Variants in NRXN1 observed in about 807,000 individuals in gnomAD.
The protein encoded by NRXN1 is neurexin 1, also known as neurexin-1.
NRXN1 carries 39 observed loss-of-function variants against 150.9 expected under a neutral mutation model. The ratio of observed to expected loss-of-function variants is 0.26; its 90% CI spans 0.20 to 0.34. The LOEUF is 0.34. Among genes scored for constraint, NRXN1 ranks in the 10% least tolerant of loss-of-function variants. The probability of loss-of-function intolerance (pLI) is 1.00; values close to 1 mark genes in which losing one functional copy is unlikely to be tolerated. For missense variants in NRXN1, 1,815 were observed against 1,949.9 expected (o/e 0.93, Z 1.30); for synonymous variants, 924 against 757.0 (o/e 1.22, Z -3.62).
At chr2:50,132,120 T>G (rs1705598906) in intron 18 of NRXN1, among the ~76,000 whole-genome samples, 1 of 152,154 alleles carries the variant, frequency 6.6e-6, no homozygotes, top group South Asian at 2.1e-4. Context: ...TATTTTGCTC[T>G]GGCAAAGTGT....
intron 18 of NRXN1, among the ~76,000 whole-genome samples, chr2:50,099,621 T>C (rs1396923462): frequency 6.6e-6 from 1 of 152,212 alleles, no homozygotes; most frequent in Non-Finnish European, 1.5e-5. Context: ...TATTCATCAC[T>C]TTGAAAAACA....
At chr2:50,941,927 G>A (rs1689513857) in intron 2 of NRXN1, among the ~76,000 whole-genome samples, 1 of 152,166 alleles carries the variant, frequency 6.6e-6, no homozygotes, top group Admixed American at 6.5e-5. Flanking sequence ...AGGACATTTA[G>A]TATATCTTTG....
At chr2:50,221,907 T>C (rs547630034) in intron 18 of NRXN1, among the ~76,000 whole-genome samples, 1 of 151,982 alleles carries the variant, frequency 6.6e-6, no homozygotes, top group Non-Finnish European at 1.5e-5. Context: ...GCAGAATACA[T>C]CTGTTGCTAC....
intron 18 of NRXN1, among the ~76,000 whole-genome samples, chr2:50,167,209 C>T (rs1262010160): frequency 6.6e-6 from 1 of 152,018 alleles, no homozygotes; most frequent in Non-Finnish European, 1.5e-5. Context: ...AAATCTGCTC[C>T]CCTGCCTCAC....
Position 50,862,635 on chromosome 2 carries a change from T to TA in NRXN1, c.832+59233dup, listed in dbSNP as rs940528228. Among the ~76,000 whole-genome samples, 15 of 152,072 alleles carry TA rather than the reference T, an allele frequency of 9.9e-5. 1 individual carries two copies. Among genetic ancestry groups the TA allele is most frequent in the African/African-American group, 3.1e-4 (13 of 41,434 alleles). On this transcript the variant is annotated intron_variant, in intron 5 of 22. Transcript: ENST00000401669. Reference sequence around the variant, plus strand: ...CTTTGGCCCTCAGGTTCTTCCTCTGTAAAAAAGATAAATGATCACAGTAGT... The same window carrying TA: ...CTTTGGCCCTCAGGTTCTTCCTCTGTAAAAAAAGATAAATGATCACAGTAGT...
At chr2:50,158,468 CA>C (rs2059161187) in intron 18 of NRXN1, among the ~76,000 whole-genome samples, 1 of 151,814 alleles carries the variant, frequency 6.6e-6, no homozygotes, top group Admixed American at 6.6e-5. Flanking sequence ...ATGTCTAACA[CA>C]ACTGGAAAAG....
intron 2 of NRXN1, among the ~76,000 whole-genome samples, chr2:50,989,649 T>C (rs1331041483): frequency 6.6e-6 from 1 of 152,044 alleles, no homozygotes; most frequent in Non-Finnish European, 1.5e-5. Flanking sequence ...TTCTTACTGT[T>C]GAATACATAA....
At chr2:50,812,659 A>T (rs2105772858) in intron 5 of NRXN1, among the ~76,000 whole-genome samples, 1 of 151,372 alleles carries the variant, frequency 6.6e-6, no homozygotes, top group African/African-American at 2.4e-5. Flanking sequence ...CTATATATAA[A>T]ATATATATAC....
intron 16 of NRXN1, among the ~76,000 whole-genome samples, chr2:50,470,858 C>T (rs1424743835): frequency 2.6e-5 from 4 of 151,640 alleles, no homozygotes; most frequent in Admixed American, 1.3e-4. Context: ...AAAAGTACTC[C>T]TACAGATCTT....
chr2:51,008,557 T>A (rs1056047816), intron 2 of NRXN1, among the ~76,000 whole-genome samples: 5 of 151,866 alleles, frequency 3.3e-5, no homozygotes, highest in Non-Finnish European at 7.4e-5. Flanking sequence ...TCATTACACA[T>A]CAATTCCTTT....
At chr2:50,412,352 A>T (rs144105738) in intron 17 of NRXN1, among the ~76,000 whole-genome samples, 2,324 of 151,700 alleles carry the variant, frequency 0.015, 50 homozygotes, top group African/African-American at 0.053. Flanking sequence ...ATAATAAATA[A>T]TAAAAATAAT....
intron 17 of NRXN1, among the ~76,000 whole-genome samples, chr2:50,287,291 ATAG>A (rs2072316992): frequency 6.6e-6 from 1 of 152,092 alleles, no homozygotes; most frequent in African/African-American, 2.4e-5. Context: ...TCTCAAAATA[ATAG>A]GACAAAAATG....
chr2:50,574,296 T>C (rs1305606740), intron 8 of NRXN1, among the ~76,000 whole-genome samples: 3 of 152,156 alleles, frequency 2.0e-5, no homozygotes, highest in East Asian at 1.9e-4. Flanking sequence ...ATCCAAATGA[T>C]TTAAGAGGAT....
At chr2:50,059,503 C>A (rs1218240381) in intron 19 of NRXN1, among the ~76,000 whole-genome samples, 1 of 152,126 alleles carries the variant, frequency 6.6e-6, no homozygotes, top group Non-Finnish European at 1.5e-5. Flanking sequence ...AAACCCTTGT[C>A]CTGAGGAGAA....
chr2:50,027,541 C>G (rs1688548744), intron 21 of NRXN1, among the ~76,000 whole-genome samples: 1 of 152,114 alleles, frequency 6.6e-6, no homozygotes, highest in Non-Finnish European at 1.5e-5. Flanking sequence ...CTCCGTGGCT[C>G]AAGCAATCCT....
intron 18 of NRXN1, among the ~76,000 whole-genome samples, chr2:50,159,977 A>G (rs1291149420): frequency 6.6e-6 from 1 of 152,194 alleles, no homozygotes; most frequent in South Asian, 2.1e-4. Context: ...ATGTTTACAA[A>G]GATAAACAAC....
chr2:50,430,345 C>A (rs77228965), intron 17 of NRXN1, among the ~76,000 whole-genome samples: 3,387 of 152,136 alleles, frequency 0.022, 121 homozygotes, highest in African/African-American at 0.078. Flanking sequence ...AAAAAAACAG[C>A]AAGCCAATTT....
At chr2:50,794,103 T>C (rs551777813) in intron 5 of NRXN1, among the ~76,000 whole-genome samples, 1 of 152,012 alleles carries the variant, frequency 6.6e-6, no homozygotes, top group African/African-American at 2.4e-5. Flanking sequence ...AGAATGCCAA[T>C]AGTTCTGAGG....
chr2:50,926,330 C>T (rs1686881324), intron 2 of NRXN1, among the ~76,000 whole-genome samples: 1 of 151,856 alleles, frequency 6.6e-6, no homozygotes. Context: ...GGTTCTATTT[C>T]CACATACTGA....
Sources: gnomAD v4.1 joint callset for allele counts (sites outside exome capture counted in the v4.1 genomes callset) on GRCh38, gnomAD v4.1.1 for gene constraint, MANE v1.5 for transcripts, NCBI Gene and HGNC (gene_info 2026-07-23, HGNC 2026-07-21) for gene names.